The following LRRC57 variants were observed in gnomAD, a reference collection of about 807,000 sequenced individuals.
LRRC57 encodes leucine rich repeat containing 57, also known as leucine-rich repeat-containing protein 57.
Under a neutral mutation model 23.1 loss-of-function variants are expected in LRRC57, and 14 were observed. That is an observed-to-expected ratio of 0.61 (90% confidence interval 0.40 to 0.95). LRRC57 has a LOEUF of 0.95. Among genes scored for constraint, LRRC57 ranks in the 40% least tolerant of loss-of-function variants. LRRC57 has a pLI of 0.00. For missense variants in LRRC57, 236 were observed against 284.4 expected (o/e 0.83, Z 1.22); for synonymous variants, 106 against 115.2 (o/e 0.92, Z 0.51).
Position 42,547,321 on chromosome 15 carries a change from T to G in LRRC57, c.432A>C (p.Arg144=). The G allele has an allele frequency of 6.2e-7, 1 of 1,614,202 alleles. No individual in the cohort carries two copies. The highest frequency in any genetic ancestry group is 8.5e-7 in the Non-Finnish European group (1 of 1,180,046). Residue 144 remains arginine (R), a synonymous_variant, in exon 4 of 6, where the codon CGA becomes CGC. Coordinates refer to ENST00000397130, the MANE Select transcript of LRRC57 (RefSeq NM_153260.3). ...GCTCTCCCACTGAGTCAGGTATACT[T>G]CGAATCTGGTTCTTAGAGAGATCCA... ...DVMDLSKNQI[R]SIPDSVGELQ...
At chr15:42,530,679 G>A in the LRRC57 span, among the ~76,000 whole-genome samples, 1 of 152,194 alleles carries the variant, frequency 6.6e-6, no homozygotes, top group African/African-American at 2.4e-5. Context: ...GAGTGTAGGA[G>A]TTGAAGGCTG....
At chr15:42,531,408 T>G in the LRRC57 span, 1 of 1,538,330 alleles carries the variant, frequency 6.5e-7, no homozygotes, top group Non-Finnish European at 8.7e-7. Flanking sequence ...TTTCTTGTTT[T>G]TCAGGCTGAC....
At chr15:42,545,303 G>A (rs773890926) in intron 4 of LRRC57, 41 bp from the exon 5 acceptor site, 11 of 1,394,724 alleles carry the variant, frequency 7.9e-6, no homozygotes, top group Non-Finnish European at 1.1e-5. Context: ...AAAAGCATAA[G>A]CACTATACTG....
chr15:42,531,380 C>T, the LRRC57 span: 1 of 1,433,468 alleles, frequency 7.0e-7, no homozygotes, highest in Non-Finnish European at 9.3e-7. Flanking sequence ...GAGTTACTTA[C>T]CTTGTAAAGC....
intron 4 of LRRC57, 129 bp downstream of exon 4, chr15:42,547,132 A>C: frequency 9.8e-7 from 1 of 1,024,730 alleles, no homozygotes; most frequent in East Asian, 2.5e-5. Context: ...AGCCTATAGA[A>C]GAAACCTCTC....
In LRRC57 at chr15:42,548,339, T is replaced by C; in HGVS notation, c.84+12A>G. ...CCTTTAAGTTCCCTGGTCGTGTCCCTCCCAGTCTCACCTCGGTCAGCCCTC... is the reference window on the plus strand; with the variant it reads ...CCTTTAAGTTCCCTGGTCGTGTCCCCCCCAGTCTCACCTCGGTCAGCCCTC... On this transcript the variant is annotated intron_variant, in intron 2 of 5. Coordinates refer to ENST00000397130, the MANE Select transcript of LRRC57 (RefSeq NM_153260.3). 1 of 1,614,160 alleles carries C rather than the reference T, an allele frequency of 6.2e-7. No homozygotes were observed. Among genetic ancestry groups the C allele is most frequent in the South Asian group, 1.1e-5 (1 of 91,082 alleles).
intron 4 of LRRC57, among the ~76,000 whole-genome samples, chr15:42,546,997 CAG>C (rs1156921520): frequency 6.6e-6 from 1 of 152,146 alleles, no homozygotes; most frequent in African/African-American, 2.4e-5. Flanking sequence ...ATTTGTGAGA[CAG>C]TAGTTTAACT....
rs1177742288 is a variant in LRRC57, at chr15:42,541,949, C to G, written c.*2134G>C. On this transcript the variant is annotated 3_prime_UTR_variant, in exon 6 of 6. Coordinates refer to ENST00000397130, the MANE Select transcript of LRRC57 (RefSeq NM_153260.3). ...TAATTTTTTGTATTTTTAGTAGTGA[C>G]AGGGTTTCACCGTGTTAGCCAGGAT... 1 of 151,646 alleles carries G rather than the reference C, an allele frequency of 6.6e-6. No individual in the cohort carries two copies. The highest frequency in any genetic ancestry group is 1.5e-5 in the Non-Finnish European group (1 of 67,958). 9.4% of individuals were successfully genotyped at this position (151,646 alleles called of 1,614,324 possible).
At chr15:42,537,563 A>T (rs1202441470), downstream of LRRC57, among the ~76,000 whole-genome samples, 3 of 152,216 alleles carry the variant, frequency 2.0e-5, no homozygotes, top group African/African-American at 7.2e-5. Context: ...AAAGGAAATC[A>T]ATATATTAAA....
chr15:42,543,982 C>T lies in LRRC57; in HGVS notation c.*101G>A. ...AATCTCCTGAAGTATCATCTCCTTACTGTAGATACCCCTAACAACAACAGG... is the reference window on the plus strand; with the variant it reads ...AATCTCCTGAAGTATCATCTCCTTATTGTAGATACCCCTAACAACAACAGG... On this transcript the variant is annotated 3_prime_UTR_variant, in exon 6 of 6. Coordinates refer to ENST00000397130, the MANE Select transcript of LRRC57 (RefSeq NM_153260.3). The T allele has an allele frequency of 1.2e-6, 1 of 822,114 alleles. No individual in the cohort carries two copies. The allele number at this position is 822,114 out of a possible 1,614,324, so 50.9% of individuals were successfully genotyped here. A position where few individuals can be genotyped will look rare whatever the true frequency, so the allele number is the denominator to read the frequency against.
intron 5 of LRRC57, among the ~76,000 whole-genome samples, chr15:42,544,836 C>CTATATATATATAT (rs1256583979): frequency 0.012 from 1,245 of 103,310 alleles, 34 homozygotes; most frequent in African/African-American, 0.064. Context: ...CACACACACA[C>CTATATATATATAT]ACACACTATA....
downstream of LRRC57, among the ~76,000 whole-genome samples, chr15:42,537,261 A>G (rs1027201096): frequency 5.4e-5 from 8 of 148,174 alleles, no homozygotes; most frequent in South Asian, 6.3e-4. Context: ...ACACACACAC[A>G]CACGCACGCA....
downstream of LRRC57, among the ~76,000 whole-genome samples, chr15:42,535,283 C>CT (rs1241391809): frequency 6.6e-6 from 1 of 152,214 alleles, no homozygotes; most frequent in African/African-American, 2.4e-5. Flanking sequence ...TAACTTCCAA[C>CT]TTTTCTTCTG....
chr15:42,547,236 G>GA lies in LRRC57; in HGVS notation c.492+24dup, dbSNP rs142112921. On this transcript the variant is annotated intron_variant, in intron 4 of 5. Transcript: ENST00000397130. ...CCTTAAAGCCACACATATGCTGTAG[G>GA]AAAAAAAACCTTAAAGCTCTAGACC... 15,836 of 1,605,732 alleles carry GA rather than the reference G, an allele frequency of 9.9e-3. 1,057 individuals are homozygous for GA. In the African/African-American group the frequency reaches 0.16, roughly 17 times the overall value.
chr15:42,536,091 C>T (rs1227572258), downstream of LRRC57, among the ~76,000 whole-genome samples: 1 of 152,124 alleles, frequency 6.6e-6, no homozygotes, highest in Non-Finnish European at 1.5e-5. Flanking sequence ...AGTTTGCCAT[C>T]TTATATTGGC....
At chr15:42,534,923 TA>T (rs1206844844), downstream of LRRC57, among the ~76,000 whole-genome samples, 3 of 152,230 alleles carry the variant, frequency 2.0e-5, no homozygotes, top group Non-Finnish European at 4.4e-5. Flanking sequence ...AGAGCACAGG[TA>T]GAGTAGACTT....
At chr15:42,529,797 A>G in the LRRC57 span, 35 of 1,611,838 alleles carry the variant, frequency 2.2e-5, no homozygotes, top group East Asian at 2.0e-4. Context: ...CAAAATCCAC[A>G]AATAAAACGA....
rs1332332473 is a variant in LRRC57, at chr15:42,547,428, CAG to C, written c.323_324del (p.Ser108CysfsTer21). 1.9e-6 allele frequency: 3 copies of C among 1,614,156 alleles called. No homozygotes were observed. The highest frequency in any genetic ancestry group is 2.5e-6 in the Non-Finnish European group (3 of 1,180,028). ...RELPSTFGQLSALKTLSLSGN... is the reference protein window; with the variant it reads ...RELPSTFGQLXALKTLSLSGN... ...CCAGAGAGGCTCAGGGTCTTGAGGG[CAG>C]AGAGTTGCCCAAAGGTAGACGGCAG... is the stretch of plus-strand genomic sequence containing the variant. On this transcript the variant is annotated frameshift_variant, in exon 4 of 6. Coordinates refer to ENST00000397130, the MANE Select transcript of LRRC57 (RefSeq NM_153260.3). LOFTEE classifies it high-confidence loss of function.
chr15:42,535,524 C>A (rs918197773), downstream of LRRC57, among the ~76,000 whole-genome samples: 6 of 151,480 alleles, frequency 4.0e-5, no homozygotes, highest in African/African-American at 1.5e-4. Context: ...CAGCTCACTG[C>A]AACCTCTGTC....
Sources: allele counts gnomAD v4.1 joint callset (sites outside exome capture counted in the v4.1 genomes callset), GRCh38; gene constraint gnomAD v4.1.1; transcripts MANE v1.5; gene names NCBI Gene and HGNC (gene_info 2026-07-23, HGNC 2026-07-21).